ZNF385D: variants seen among roughly 807,000 people sequenced by gnomAD.
The protein encoded by ZNF385D is zinc finger protein 659.
Under a neutral mutation model 35.8 loss-of-function variants are expected in ZNF385D, and 15 were observed. That is an observed-to-expected ratio of 0.42 (90% CI 0.28 to 0.64). The LOEUF (loss-of-function observed/expected upper bound fraction) is 0.64, where lower values mean the gene tolerates loss of function less well. Ranked by LOEUF, ZNF385D falls within the 30% of genes least tolerant of loss-of-function variation. The probability of loss-of-function intolerance (pLI) is 0.23; values close to 1 mark genes in which losing one functional copy is unlikely to be tolerated. For synonymous variants in ZNF385D, 212 were observed against 186.8 expected, an observed-to-expected ratio of 1.13 and a Z score of -1.10; for missense variants, 474 against 494.6, an observed-to-expected ratio of 0.96 and a Z score of 0.39.
intron 3 of ZNF385D, among the ~76,000 whole-genome samples, chr3:21,939,190 A>T (rs989120761): frequency 6.6e-6 from 1 of 152,218 alleles, no homozygotes; most frequent in African/African-American, 2.4e-5. Flanking sequence ...TGAAATACCA[A>T]CTATGATCAT....
At chr3:22,196,946 T>G (rs569963439) in intron 2 of ZNF385D, among the ~76,000 whole-genome samples, 1 of 152,170 alleles carries the variant, frequency 6.6e-6, no homozygotes, top group African/African-American at 2.4e-5. Flanking sequence ...ATCTTAAAGT[T>G]ACTTTTATTT....
chr3:21,650,485 C>T (rs139182620), intron 2 of ZNF385D, among the ~76,000 whole-genome samples: 5 of 152,080 alleles, frequency 3.3e-5, no homozygotes, highest in African/African-American at 7.2e-5. Context: ...GCAATATCTA[C>T]GTGCATTTAT....
chr3:22,010,943 C>T lies in ZNF385D; in HGVS notation c.325+157874G>A, dbSNP rs182113684. ...TCACCCTCATTGAAAATATCATCTA[C>T]TCAGAACCAAAGATACATGAATACA... On this transcript the variant is annotated intron_variant, in intron 3 of 5. Coordinates refer to the ZNF385D transcript ENST00000494108. Among the ~76,000 whole-genome samples the T allele has an allele frequency of 2.6e-3, 392 of 152,204 alleles. 1 individual carries two copies. The highest frequency in any genetic ancestry group is 8.7e-3 in the African/African-American group (363 of 41,526).
At chr3:22,206,212 A>C (rs912765726) in intron 2 of ZNF385D, among the ~76,000 whole-genome samples, 2 of 152,066 alleles carry the variant, frequency 1.3e-5, no homozygotes, top group African/African-American at 4.8e-5. Context: ...TAAAGGAATA[A>C]ATTTATGAAG....
chr3:22,184,705 T>C (rs1477778578), intron 2 of ZNF385D, among the ~76,000 whole-genome samples: 1 of 152,126 alleles, frequency 6.6e-6, no homozygotes, highest in African/African-American at 2.4e-5. Flanking sequence ...CAGGTACCTA[T>C]AATCCCAGCT....
At chr3:21,565,881 C>A (rs2063128066) in intron 2 of ZNF385D, among the ~76,000 whole-genome samples, 1 of 150,376 alleles carries the variant, frequency 6.6e-6, no homozygotes, top group Non-Finnish European at 1.5e-5. Flanking sequence ...AAATGACTCT[C>A]TAATATTCAC....
In ZNF385D at chr3:21,602,344, G is replaced by T. The variant is rs74912977; in HGVS notation, c.166-37660C>A. Among the ~76,000 whole-genome samples, 1,177 of 152,054 alleles carry T rather than the reference G, an allele frequency of 7.7e-3. 20 individuals are homozygous for T. Among genetic ancestry groups the T allele is most frequent in the African/African-American group, 0.027 (1,129 of 41,460 alleles). ...TCCATTGTTCTACCCAAAGCTAGTT[G>T]TGGACAATCTAGCACATATTGGCCA... is the stretch of plus-strand genomic sequence containing the variant. On this transcript the variant is annotated intron_variant, in intron 2 of 7. Coordinates refer to ENST00000281523, the MANE Select transcript of ZNF385D (RefSeq NM_024697.3).
intron 2 of ZNF385D, among the ~76,000 whole-genome samples, chr3:22,254,014 A>T (rs1284073265): frequency 6.6e-6 from 1 of 151,968 alleles, no homozygotes; most frequent in Non-Finnish European, 1.5e-5. Flanking sequence ...CTATGACTAC[A>T]TAAAACCTAT....
At chr3:22,299,909 A>T (rs1702805669) in intron 2 of ZNF385D, among the ~76,000 whole-genome samples, 2 of 151,974 alleles carry the variant, frequency 1.3e-5, no homozygotes, top group East Asian at 3.8e-4. Context: ...TACAAATTTA[A>T]TGCAATACTT....
At chr3:22,221,494 T>G (rs1385301240) in intron 2 of ZNF385D, among the ~76,000 whole-genome samples, 1 of 152,170 alleles carries the variant, frequency 6.6e-6, no homozygotes, top group Non-Finnish European at 1.5e-5. Flanking sequence ...AGAGTGTTCT[T>G]AAGACTGAAA....
At chr3:21,464,900 C>G (rs1261441459) in intron 4 of ZNF385D, among the ~76,000 whole-genome samples, 1 of 152,054 alleles carries the variant, frequency 6.6e-6, no homozygotes, top group East Asian at 1.9e-4. Context: ...CCACACATTA[C>G]ACGGCCTACT....
chr3:22,078,719 T>C (rs1027743878), intron 3 of ZNF385D, among the ~76,000 whole-genome samples: 5 of 152,098 alleles, frequency 3.3e-5, no homozygotes, highest in Admixed American at 2.6e-4. Flanking sequence ...GGAATCTGTA[T>C]CATAAGTATT....
chr3:22,074,664 T>C (rs1700380816), intron 3 of ZNF385D, among the ~76,000 whole-genome samples: 1 of 151,950 alleles, frequency 6.6e-6, no homozygotes, highest in Non-Finnish European at 1.5e-5. Flanking sequence ...CAAATTTTTA[T>C]GCTCCCATTC....
At chr3:22,064,420 T>C (rs532165533) in intron 3 of ZNF385D, among the ~76,000 whole-genome samples, 2 of 152,268 alleles carry the variant, frequency 1.3e-5, no homozygotes, top group East Asian at 3.9e-4. Flanking sequence ...TTTAAAAAAT[T>C]TTATCCCACT....
intron 1 of ZNF385D, among the ~76,000 whole-genome samples, chr3:21,741,314 C>G (rs189591584): frequency 7.2e-5 from 11 of 152,172 alleles, no homozygotes; most frequent in African/African-American, 1.7e-4. Flanking sequence ...CACAACTTTT[C>G]TTTTAAAGGA....
At chr3:21,501,077 T>C (rs1706323916) in intron 4 of ZNF385D, among the ~76,000 whole-genome samples, 1 of 152,108 alleles carries the variant, frequency 6.6e-6, no homozygotes, top group Non-Finnish European at 1.5e-5. Context: ...GCAGGCTACA[T>C]GAATAACATG....
chr3:21,616,611 T>G (rs1219974340), intron 2 of ZNF385D, among the ~76,000 whole-genome samples: 2 of 152,218 alleles, frequency 1.3e-5, no homozygotes. Flanking sequence ...TACATTTAAC[T>G]AGTTTTATAA....
At chr3:21,686,974 A>G (rs900518290) in intron 1 of ZNF385D, among the ~76,000 whole-genome samples, 8 of 152,290 alleles carry the variant, frequency 5.3e-5, no homozygotes, top group African/African-American at 1.9e-4. Flanking sequence ...CTGGCCTCAT[A>G]ACTTGTCTTG....
At chr3:21,463,850 G>T (rs1424334026) in intron 4 of ZNF385D, among the ~76,000 whole-genome samples, 1 of 151,652 alleles carries the variant, frequency 6.6e-6, no homozygotes, top group Non-Finnish European at 1.5e-5. Flanking sequence ...TTCCCAGATG[G>T]TTAGTACAAT....
Sources: allele counts gnomAD v4.1 joint callset (sites outside exome capture counted in the v4.1 genomes callset), GRCh38; gene constraint gnomAD v4.1.1; transcripts MANE v1.5; gene names NCBI Gene and HGNC (gene_info 2026-07-23, HGNC 2026-07-21).